The following ADGRL4 variants were observed in gnomAD, a reference collection of about 807,000 sequenced individuals.
The protein encoded by ADGRL4 is EGF, latrophilin and seven transmembrane domain containing 1.
In ADGRL4, 90 loss-of-function variants were observed where a neutral mutation model predicts 74.8. That is an observed-to-expected ratio of 1.20 (90% confidence interval 1.02 to 1.43). The LOEUF is 1.43. ADGRL4 is among the 40% of genes most tolerant of loss of function. The pLI is 0.00. For missense variants in ADGRL4, 881 were observed against 814.3 expected (o/e 1.08, Z -1.00); for synonymous variants, 311 against 279.2 (o/e 1.11, Z -1.14).
intron 8 of ADGRL4, among the ~76,000 whole-genome samples, chr1:78,923,714 A>T (rs1008943902): frequency 3.9e-5 from 6 of 152,014 alleles, no homozygotes; most frequent in African/African-American, 1.4e-4. Context: ...GATTGAAAAA[A>T]TAAAGTTTCT....
intron 14 of ADGRL4, 24 bp downstream of exon 14, chr1:78,891,500 C>T (rs968522372): frequency 5.0e-6 from 8 of 1,603,518 alleles, no homozygotes; most frequent in Non-Finnish European, 6.8e-6. Flanking sequence ...ATACTAGGAA[C>T]CACCAAAATA....
intron 2 of ADGRL4, among the ~76,000 whole-genome samples, chr1:78,966,577 T>C (rs1229397127): frequency 1.3e-5 from 2 of 151,744 alleles, no homozygotes; most frequent in African/African-American, 4.8e-5. Context: ...TTCCCAGGGG[T>C]CAGGGGCCAT....
chr1:78,934,621 A>G (rs1026587608), intron 7 of ADGRL4, among the ~76,000 whole-genome samples: 4 of 152,300 alleles, frequency 2.6e-5, no homozygotes, highest in East Asian at 1.9e-4. Context: ...CTGGAAACCT[A>G]AAGAATGGGA....
At chr1:78,926,468 T>G (rs1649116569) in intron 8 of ADGRL4, among the ~76,000 whole-genome samples, 1 of 152,046 alleles carries the variant, frequency 6.6e-6, no homozygotes, top group African/African-American at 2.4e-5. Flanking sequence ...GCTATAATTT[T>G]CTTTTAATCA....
intron 3 of ADGRL4, among the ~76,000 whole-genome samples, chr1:78,943,921 C>A (rs11589308): frequency 0.12 from 18,417 of 152,004 alleles, 1,276 homozygotes; most frequent in East Asian, 0.33. Flanking sequence ...AGGTTAGTGC[C>A]TTTACTGACT....
rs776684259 is a variant in ADGRL4 at position 78,920,174 on chromosome 1, C to A, written c.1461+9G>T. On this transcript the variant is annotated intron_variant, in intron 10 of 14. Transcript: ENST00000370742. Reference sequence around the variant, plus strand: ...TAGGACAAAAATAGAGATTAGGATGCCTACATACCTTATTAGTATTTGTAT... The same window carrying A: ...TAGGACAAAAATAGAGATTAGGATGACTACATACCTTATTAGTATTTGTAT... 6.3e-7 allele frequency: 1 copy of A among 1,596,102 alleles called. No individual in the cohort carries two copies. Among genetic ancestry groups the A allele is most frequent in the Non-Finnish European group, 8.6e-7 (1 of 1,168,642 alleles).
At position 78,964,414 on chromosome 1, in the gene ADGRL4, C is replaced by T. The variant is rs368651757; in HGVS notation, c.173-17988G>A. ...GATCAAAGTACAAAGCAGAAAAGGTCGCACAATAACCTTAGAATTAAGTTG... is the reference window on the plus strand; with the variant it reads ...GATCAAAGTACAAAGCAGAAAAGGTTGCACAATAACCTTAGAATTAAGTTG... On this transcript the variant is annotated intron_variant, in intron 2 of 14. Transcript: ENST00000370742. 7.9e-5 allele frequency among the ~76,000 whole-genome samples: 12 copies of T among 152,162 alleles called. No individual in the cohort carries two copies. The South Asian group carries it at 1.7e-3, about 21-fold the overall frequency.
chr1:78,988,328 A>C (rs995813189), intron 2 of ADGRL4, among the ~76,000 whole-genome samples: 6 of 151,804 alleles, frequency 4.0e-5, no homozygotes, highest in Non-Finnish European at 8.8e-5. Context: ...TAAGACATCT[A>C]TTCTGACTTT....
intron 2 of ADGRL4, among the ~76,000 whole-genome samples, chr1:78,978,495 G>A (rs559977946): frequency 3.3e-5 from 5 of 151,932 alleles, no homozygotes; most frequent in South Asian, 2.1e-4. Context: ...AGTTCTTCTC[G>A]TCCAATTCCT....
chr1:78,918,931 T>C (rs1307544824), intron 10 of ADGRL4, among the ~76,000 whole-genome samples: 2 of 151,910 alleles, frequency 1.3e-5, no homozygotes, highest in East Asian at 1.9e-4. Context: ...ACAAATTTAA[T>C]AGGTGAAAAG....
At chr1:78,936,742 T>C (rs894591791) in intron 6 of ADGRL4, among the ~76,000 whole-genome samples, 1 of 152,220 alleles carries the variant, frequency 6.6e-6, no homozygotes, top group Non-Finnish European at 1.5e-5. Flanking sequence ...GAATAGTGTC[T>C]ACAACTTACT....
intron 12 of ADGRL4, among the ~76,000 whole-genome samples, chr1:78,900,711 C>T (rs949636271): frequency 5.9e-4 from 89 of 152,076 alleles, no homozygotes; most frequent in Non-Finnish European, 9.0e-4. Context: ...GACGTACTTG[C>T]TTTTCCTTCA....
intron 9 of ADGRL4, among the ~76,000 whole-genome samples, chr1:78,921,227 C>G (rs928438663): frequency 6.6e-6 from 1 of 150,752 alleles, no homozygotes; most frequent in Non-Finnish European, 1.5e-5. Context: ...ACTTATTGCC[C>G]AACTGTCAAA....
chr1:78,934,610 A>T (rs1231160171), intron 7 of ADGRL4, among the ~76,000 whole-genome samples: 1 of 152,202 alleles, frequency 6.6e-6, no homozygotes, highest in East Asian at 1.9e-4. Flanking sequence ...ATCAAAGTGA[A>T]CTGGAAACCT....
rs1449714741 is a variant in ADGRL4, at chr1:78,938,296, C to T, written c.397-17G>A. The stretch of plus-strand genomic sequence containing the variant: ...GGATCTGATCTGAGAAAAAATGAGT[C>T]CAGAAAAAGGAAACTAAATTAGTTC... On this transcript the variant is annotated splice_polypyrimidine_tract_variant and intron_variant, in intron 4 of 14. Transcript: ENST00000370742. 6.5e-7 allele frequency: 1 copy of T among 1,537,908 alleles called. No homozygotes were observed. The highest frequency in any genetic ancestry group is 2.3e-5 in the Admixed American group (1 of 43,816).
chr1:78,926,556 A>G (rs1649118243), intron 8 of ADGRL4, among the ~76,000 whole-genome samples: 1 of 152,098 alleles, frequency 6.6e-6, no homozygotes, highest in Non-Finnish European at 1.5e-5. Context: ...AGTGACATTT[A>G]TTTCTCTGAT....
intron 12 of ADGRL4, among the ~76,000 whole-genome samples, chr1:78,916,601 T>C (rs892397156): frequency 6.6e-6 from 1 of 151,910 alleles, no homozygotes; most frequent in Non-Finnish European, 1.5e-5. Context: ...ACTTTATGAA[T>C]GCCCTTGATT....
chr1:78,973,187 A>G lies in ADGRL4; in HGVS notation c.173-26761T>C, dbSNP rs1487146305. Reference sequence around the variant, plus strand: ...ATATTTTAGAATTAAACCAAGAACTACTCTTACTTTCAAATTTGTGTGTTT... The same window carrying G: ...ATATTTTAGAATTAAACCAAGAACTGCTCTTACTTTCAAATTTGTGTGTTT... On this transcript the variant is annotated intron_variant, in intron 2 of 14. Coordinates refer to ENST00000370742, the MANE Select transcript of ADGRL4 (RefSeq NM_022159.4). 2.6e-5 allele frequency among the ~76,000 whole-genome samples: 4 copies of G among 151,876 alleles called. No homozygotes were observed. The East Asian group carries it at 7.7e-4, about 29-fold the overall frequency.
At chr1:78,988,998 T>A (rs1302060457) in intron 2 of ADGRL4, among the ~76,000 whole-genome samples, 2 of 151,822 alleles carry the variant, frequency 1.3e-5, no homozygotes, top group Non-Finnish European at 2.9e-5. Flanking sequence ...TATACTAAAA[T>A]CTGTCATCTA....
Sources: gnomAD v4.1 joint callset for allele counts (sites outside exome capture counted in the v4.1 genomes callset) on GRCh38, gnomAD v4.1.1 for gene constraint, MANE v1.5 for transcripts, NCBI Gene and HGNC (gene_info 2026-07-23, HGNC 2026-07-21) for gene names.